Variants in RAB27B observed in about 807,000 individuals in gnomAD.
The protein encoded by RAB27B is ras-related protein Rab-27B.
In RAB27B, 15 loss-of-function variants were observed where a neutral mutation model predicts 24.6. The ratio of observed to expected loss-of-function variants is 0.61; its 90% CI spans 0.41 to 0.94. The LOEUF is 0.94. Ranked by LOEUF, RAB27B falls within the 40% of genes least tolerant of loss-of-function variation. RAB27B has a pLI of 0.00. For missense variants in RAB27B, 261 were observed against 266.8 expected (o/e 0.98, Z 0.15); for synonymous variants, 105 against 92.5 (o/e 1.14, Z -0.78).
intron 1 of RAB27B, among the ~76,000 whole-genome samples, chr18:54,832,088 A>G (rs1254302387): frequency 6.6e-6 from 1 of 152,156 alleles, no homozygotes; most frequent in Non-Finnish European, 1.5e-5. Context: ...GATGTTTTTA[A>G]AAGATCACTC....
At chr18:54,791,650 C>T (rs62091656) in intron 2 of RAB27B, among the ~76,000 whole-genome samples, 10,553 of 152,242 alleles carry the variant, frequency 0.069, 510 homozygotes, top group Non-Finnish European at 0.1. Flanking sequence ...CCTGCCTTGA[C>T]GCGCAAATAT....
At chr18:54,834,904 G>T (rs1426582462) in intron 1 of RAB27B, among the ~76,000 whole-genome samples, 1 of 151,208 alleles carries the variant, frequency 6.6e-6, no homozygotes, top group Non-Finnish European at 1.5e-5. Context: ...TCCTTAACTT[G>T]CTCAGAAAAA....
At chr18:54,817,127 C>T (rs553054382) in intron 2 of RAB27B, among the ~76,000 whole-genome samples, 1 of 152,308 alleles carries the variant, frequency 6.6e-6, no homozygotes, top group South Asian at 2.1e-4. Context: ...TTCCTTGAAA[C>T]TTTCCTTGCT....
At chr18:54,876,525 C>T (rs1483479191) in intron 1 of RAB27B, among the ~76,000 whole-genome samples, 1 of 152,034 alleles carries the variant, frequency 6.6e-6, no homozygotes, top group Non-Finnish European at 1.5e-5. Context: ...AAACCCATTT[C>T]AATTAATATA....
rs1035409295 is a variant in RAB27B, at chr18:54,895,265, G to A, written c.*5852G>A. The A allele has an allele frequency of 1.3e-5, 2 of 151,960 alleles. No homozygotes were observed. 9.4% of individuals were successfully genotyped at this position (151,960 alleles called of 1,614,324 possible). On this transcript the variant is annotated 3_prime_UTR_variant, in exon 6 of 6. Coordinates refer to ENST00000262094, the MANE Select transcript of RAB27B (RefSeq NM_004163.4). ...TTTTGTCTGTCTCCTATATAGATCT[G>A]TTTTGTCTAGTGCTATGAATGTAAC...
chr18:54,754,473 C>G (rs768644013), intron 2 of RAB27B, among the ~76,000 whole-genome samples: 3 of 152,044 alleles, frequency 2.0e-5, no homozygotes, highest in Non-Finnish European at 4.4e-5. Context: ...GGATCTAGTG[C>G]AGAAAGGAAT....
chr18:54,855,995 T>G (rs1225729113), intron 1 of RAB27B, among the ~76,000 whole-genome samples: 3 of 152,216 alleles, frequency 2.0e-5, no homozygotes, highest in Non-Finnish European at 2.9e-5. Flanking sequence ...AGCTAGACCC[T>G]AAAGTAAACA....
rs1913409331 is a variant in RAB27B at position 54,892,545 on chromosome 18, G to T, written c.*3132G>T. The T allele has an allele frequency of 6.6e-6, 1 of 152,010 alleles. No individual in the cohort carries two copies. Among genetic ancestry groups the T allele is most frequent in the Admixed American group, 6.6e-5 (1 of 15,230 alleles). 9.4% of individuals were successfully genotyped at this position (152,010 alleles called of 1,614,324 possible). ...TTACCTTTTAGGGTAGAAAAAGAAAGATCATTTGAAAAATGTATCTAAAAT... is the reference window on the plus strand; with the variant it reads ...TTACCTTTTAGGGTAGAAAAAGAAATATCATTTGAAAAATGTATCTAAAAT... On this transcript the variant is annotated 3_prime_UTR_variant, in exon 6 of 6. Transcript: ENST00000262094.
intron 1 of RAB27B, among the ~76,000 whole-genome samples, chr18:54,843,554 C>T (rs897829147): frequency 3.3e-5 from 5 of 152,178 alleles, no homozygotes; most frequent in East Asian, 3.9e-4. Context: ...ACAACTAGCA[C>T]GACATCTGCT....
chr18:54,842,875 A>G (rs1050397740), intron 1 of RAB27B, among the ~76,000 whole-genome samples: 3 of 152,110 alleles, frequency 2.0e-5, no homozygotes, highest in Admixed American at 6.5e-5. Context: ...GCTCACTGCA[A>G]GCTCTGCCTC....
intron 1 of RAB27B, among the ~76,000 whole-genome samples, chr18:54,834,723 A>ACCTGGTCACCATGTTAAACCT (rs1568087230): frequency 3.3e-5 from 5 of 151,914 alleles, no homozygotes; most frequent in African/African-American, 1.2e-4. Flanking sequence ...ATGGAAGAAG[A>ACCTGGTCACCATGTTAAACCT]GATAGAAACA....
chr18:54,734,894 A>C (rs1461673660), intron 2 of RAB27B, among the ~76,000 whole-genome samples: 3 of 152,214 alleles, frequency 2.0e-5, no homozygotes, highest in Non-Finnish European at 4.4e-5. Context: ...CAAAGCTGAA[A>C]TATAATTTTG....
At chr18:54,753,856 G>A (rs565702845) in intron 2 of RAB27B, among the ~76,000 whole-genome samples, 8 of 151,982 alleles carry the variant, frequency 5.3e-5, no homozygotes, top group South Asian at 2.1e-4. Flanking sequence ...CCAGCCCACC[G>A]GAGCCATACA....
At chr18:54,750,606 A>G (rs1907801842) in intron 2 of RAB27B, among the ~76,000 whole-genome samples, 1 of 152,178 alleles carries the variant, frequency 6.6e-6, no homozygotes, top group African/African-American at 2.4e-5. Context: ...AGTACTGTGG[A>G]AGCATCAGAT....
rs1171343240 is a variant in RAB27B at position 54,894,439 on chromosome 18, G to T, written c.*5026G>T. The T allele has an allele frequency of 6.6e-6, 1 of 151,994 alleles. No homozygotes were observed. Among genetic ancestry groups the T allele is most frequent in the Non-Finnish European group, 1.5e-5 (1 of 67,940 alleles). 9.4% of individuals were successfully genotyped at this position (151,994 alleles called of 1,614,324 possible). On this transcript the variant is annotated 3_prime_UTR_variant, in exon 6 of 6. Coordinates refer to ENST00000262094, the MANE Select transcript of RAB27B (RefSeq NM_004163.4). The stretch of plus-strand genomic sequence containing the variant: ...ACTTAATGGATCCCTTATTCAATCA[G>T]TGGCTTCTGTCTTTATGTCTGTTGG...
At chr18:54,860,163 G>T (rs1911955387) in intron 1 of RAB27B, among the ~76,000 whole-genome samples, 1 of 152,088 alleles carries the variant, frequency 6.6e-6, no homozygotes, top group South Asian at 2.1e-4. Context: ...CCTCTTCAAG[G>T]CAGGGAGCCA....
chr18:54,851,375 T>C (rs951344761), intron 1 of RAB27B, among the ~76,000 whole-genome samples: 1 of 152,190 alleles, frequency 6.6e-6, no homozygotes, highest in African/African-American at 2.4e-5. Context: ...TTCCTCCTTG[T>C]CTCCTGCCAT....
At chr18:54,838,215 A>T (rs1420886641) in intron 1 of RAB27B, among the ~76,000 whole-genome samples, 1 of 152,294 alleles carries the variant, frequency 6.6e-6, no homozygotes, top group Middle Eastern at 3.4e-3. Flanking sequence ...TTCTAAAAAA[A>T]TTACAGAATA....
At chr18:54,828,954 C>A (rs1369995757) in intron 1 of RAB27B, among the ~76,000 whole-genome samples, 1 of 152,090 alleles carries the variant, frequency 6.6e-6, no homozygotes, top group Admixed American at 6.5e-5. Context: ...AGCTGGTTAC[C>A]ACCAAAAAAA....
Sources: allele counts gnomAD v4.1 joint callset (sites outside exome capture counted in the v4.1 genomes callset), GRCh38; gene constraint gnomAD v4.1.1; transcripts MANE v1.5; gene names NCBI Gene and HGNC (gene_info 2026-07-23, HGNC 2026-07-21).